TMEM232: variants seen among roughly 807,000 people sequenced by gnomAD.
The protein encoded by TMEM232 is transmembrane protein 232.
TMEM232 carries 80 observed loss-of-function variants against 78.8 expected under a neutral mutation model. The ratio of observed to expected loss-of-function variants is 1.01; its 90% CI spans 0.85 to 1.22. TMEM232 has a LOEUF of 1.22. TMEM232 is among the 50% of genes most tolerant of loss of function. TMEM232 has a pLI of 0.00. For synonymous variants in TMEM232, 297 were observed against 254.3 expected (o/e 1.17, Z -1.60); for missense variants, 881 against 742.2 (o/e 1.19, Z -2.17).
intron 12 of TMEM232, among the ~76,000 whole-genome samples, chr5:110,461,174 AAT>A (rs553948235): frequency 9.5e-4 from 145 of 152,286 alleles, no homozygotes; most frequent in African/African-American, 3.4e-3. Context: ...TCTAGTACCA[AAT>A]AGTCAAGCTG....
At chr5:110,676,731 TTTTATTTA>T (rs146657284) in intron 1 of TMEM232, among the ~76,000 whole-genome samples, 2,315 of 139,280 alleles carry the variant, frequency 0.017, 71 homozygotes, top group African/African-American at 0.053. Flanking sequence ...ACCCTTCATC[TTTTATTTA>T]TTTATTTATT....
intron 1 of TMEM232, among the ~76,000 whole-genome samples, chr5:110,681,310 T>C (rs555464042): frequency 1.6e-4 from 25 of 152,302 alleles, no homozygotes; most frequent in African/African-American, 4.6e-4. Context: ...CTGTATCTTC[T>C]ATGGCAATTG....
intron 1 of TMEM232, among the ~76,000 whole-genome samples, chr5:110,706,230 T>C (rs1228650354): frequency 6.6e-6 from 1 of 152,170 alleles, no homozygotes; most frequent in African/African-American, 2.4e-5. Context: ...CAAAGATATT[T>C]TGAGGTACAA....
chr5:110,393,003 G>A (rs932398739), intron 3 of TMEM232, among the ~76,000 whole-genome samples: 1 of 152,100 alleles, frequency 6.6e-6, no homozygotes, highest in Non-Finnish European at 1.5e-5. Context: ...CTCTCTCATT[G>A]ACTACTAATT....
At chr5:110,662,898 C>T (rs989791810) in intron 2 of TMEM232, among the ~76,000 whole-genome samples, 5 of 151,876 alleles carry the variant, frequency 3.3e-5, no homozygotes, top group South Asian at 2.1e-4. Context: ...ACTATCTACA[C>T]GATCTTGTGG....
chr5:110,387,526 CT>C (rs994902685), intron 5 of TMEM232, among the ~76,000 whole-genome samples: 1 of 152,054 alleles, frequency 6.6e-6, no homozygotes, highest in African/African-American at 2.4e-5. Context: ...TAAACTACGA[CT>C]TTTTTTTCTT....
intron 12 of TMEM232, among the ~76,000 whole-genome samples, chr5:110,442,707 G>A (rs1759200227): frequency 6.6e-6 from 1 of 152,042 alleles, no homozygotes; most frequent in Admixed American, 6.6e-5. Flanking sequence ...TCTGGGCATT[G>A]AAAAGTTGGG....
intron 11 of TMEM232, among the ~76,000 whole-genome samples, chr5:110,535,021 TC>T (rs1772111675): frequency 6.6e-6 from 1 of 152,020 alleles, no homozygotes; most frequent in Admixed American, 6.6e-5. Context: ...CTGAGAAACA[TC>T]ACCCATTATC....
chr5:110,470,863 G>A (rs1762593727), intron 12 of TMEM232, among the ~76,000 whole-genome samples: 1 of 152,140 alleles, frequency 6.6e-6, no homozygotes, highest in Non-Finnish European at 1.5e-5. Context: ...CACCAAAGGA[G>A]CACAATAGTA....
rs538898736 is a variant in TMEM232, at chr5:110,697,143, G to A, written c.-13+29484C>T. 1.1e-3 allele frequency among the ~76,000 whole-genome samples: 174 copies of A among 152,042 alleles called. 1 individual carries two copies. Among genetic ancestry groups the A allele is most frequent in the African/African-American group, 4.0e-3 (164 of 41,486 alleles). On this transcript the variant is annotated intron_variant, in intron 1 of 13. Transcript: ENST00000455884. ...CAACAGAGCCCTCAGAAATAATGCC[G>A]CATATCTGCAACCATCTGATCTTTG...
intron 12 of TMEM232, among the ~76,000 whole-genome samples, chr5:110,500,037 A>G (rs1167174663): frequency 2.0e-5 from 3 of 152,138 alleles, no homozygotes; most frequent in Non-Finnish European, 2.9e-5. Context: ...CACGCCTGTA[A>G]TCCCAGCACT....
chr5:110,610,593 A>AAG (rs1361109913), intron 8 of TMEM232: 1 of 455,410 alleles, frequency 2.2e-6, no homozygotes, highest in Non-Finnish European at 4.4e-6. Context: ...ATTTGCCTCA[A>AAG]TAGGCTCCTA....
intron 10 of TMEM232, among the ~76,000 whole-genome samples, chr5:110,587,790 T>C (rs1021275096): frequency 6.9e-6 from 1 of 144,964 alleles, no homozygotes; most frequent in Non-Finnish European, 1.5e-5. Flanking sequence ...TATCTGTCAA[T>C]TATACCTCAA....
At chr5:110,410,457 T>G (rs542333469) in intron 2 of TMEM232, among the ~76,000 whole-genome samples, 1 of 152,106 alleles carries the variant, frequency 6.6e-6, no homozygotes, top group South Asian at 2.1e-4. Flanking sequence ...ACAAAAAACA[T>G]TTACCTTTAT....
intron 12 of TMEM232, among the ~76,000 whole-genome samples, chr5:110,494,502 A>G (rs1446853828): frequency 6.6e-6 from 1 of 152,114 alleles, no homozygotes; most frequent in Non-Finnish European, 1.5e-5. Flanking sequence ...TGATGAGAGT[A>G]TAAATCAATA....
chr5:110,658,295 GTCC>G (rs535856371), intron 2 of TMEM232, among the ~76,000 whole-genome samples: 41 of 152,216 alleles, frequency 2.7e-4, no homozygotes, highest in African/African-American at 8.7e-4. Flanking sequence ...CAGAAATACA[GTCC>G]TCATTTCATT....
intron 1 of TMEM232, among the ~76,000 whole-genome samples, chr5:110,737,730 T>C (rs1799338468): frequency 6.6e-6 from 1 of 152,222 alleles, no homozygotes; most frequent in Non-Finnish European, 1.5e-5. Context: ...TCTTTGTACA[T>C]TAAAGCTACT....
In TMEM232 at chr5:110,625,311, G is replaced by A. The variant is rs1784279905; in HGVS notation, c.724C>T (p.Pro242Ser). Residue 242 changes from proline to serine, a missense_variant, in exon 7 of 14, where the codon CCT becomes TCT. Coordinates refer to ENST00000455884, the MANE Select transcript of TMEM232 (RefSeq NM_001039763.4). ...RELRSESIFRPVEDKKRYENT... is the reference protein window; with the variant it reads ...RELRSESIFRSVEDKKRYENT... ...TCATATCTTTTCTTATCTTCCACAG[G>A]TCTAAAAATGGATTCAGAACGGAGT... is the stretch of plus-strand genomic sequence containing the variant. 6.5e-7 allele frequency: 1 copy of A among 1,545,182 alleles called. No individual in the cohort carries two copies. The highest frequency in any genetic ancestry group is 8.7e-7 in the Non-Finnish European group (1 of 1,143,708).
intron 12 of TMEM232, among the ~76,000 whole-genome samples, chr5:110,476,308 T>C (rs992821663): frequency 2.6e-5 from 4 of 151,910 alleles, no homozygotes; most frequent in Non-Finnish European, 5.9e-5. Context: ...AAAGGAAATT[T>C]TGATACAAAA....
Sources: gnomAD v4.1 joint callset for allele counts (sites outside exome capture counted in the v4.1 genomes callset) on GRCh38, gnomAD v4.1.1 for gene constraint, MANE v1.5 for transcripts, NCBI Gene and HGNC (gene_info 2026-07-23, HGNC 2026-07-21) for gene names.